The following SMCO4 variants were observed in gnomAD, a reference collection of about 807,000 sequenced individuals.
The protein encoded by SMCO4 is single-pass membrane protein with coiled-coil domains 4.
A neutral mutation model predicts 3.6 loss-of-function variants in SMCO4; 4 were observed. The observed-to-expected ratio is 1.11, with a 90% CI of 0.54 to 2.53. The LOEUF is 2.53. Among genes scored for constraint, SMCO4 ranks in the 30% most tolerant of loss-of-function variants. The pLI is 0.02. For synonymous variants in SMCO4, 36 were observed against 35.3 expected (o/e 1.02, Z -0.07); for missense variants, 70 against 80.8 (o/e 0.87, Z 0.51).
intron 2 of SMCO4, among the ~76,000 whole-genome samples, chr11:93,492,308 T>C (rs1948726740): frequency 6.6e-6 from 1 of 152,210 alleles, no homozygotes; most frequent in Admixed American, 6.5e-5. Context: ...GATTAACTGT[T>C]GTGAATATAC....
intron 1 of SMCO4, among the ~76,000 whole-genome samples, chr11:93,521,656 T>C (rs1348233164): frequency 1.3e-5 from 2 of 152,234 alleles, no homozygotes; most frequent in East Asian, 1.9e-4. Context: ...ATACCTGTCA[T>C]TTCCTTGCAG....
At chr11:93,493,437 A>G (rs1948741472) in intron 2 of SMCO4, among the ~76,000 whole-genome samples, 1 of 152,072 alleles carries the variant, frequency 6.6e-6, no homozygotes, top group Non-Finnish European at 1.5e-5. Flanking sequence ...TGTTGACTCT[A>G]GAATCTGTAT....
intron 2 of SMCO4, among the ~76,000 whole-genome samples, chr11:93,480,526 G>C (rs1948579434): frequency 6.6e-6 from 1 of 152,194 alleles, no homozygotes; most frequent in African/African-American, 2.4e-5. Flanking sequence ...TTCAAACACA[G>C]TGACGGAGTG....
chr11:93,535,278 T>G (rs990988761), intron 1 of SMCO4, among the ~76,000 whole-genome samples: 45 of 152,208 alleles, frequency 3.0e-4, no homozygotes, highest in African/African-American at 9.7e-4. Context: ...ATGCCACCAC[T>G]GGTGGCATGA....
rs1565393493 is a variant in SMCO4 at position 93,543,352 on chromosome 11, C to CCCCCT, written c.-231_-230insAGGGG. 1.3e-5 allele frequency: 2 copies of CCCCCT among 152,208 alleles called. No homozygotes were observed. The highest frequency in any genetic ancestry group is 6.6e-5 in the Admixed American group (1 of 15,214). 9.4% of individuals were successfully genotyped at this position (152,208 alleles called of 1,614,324 possible). A position where few individuals can be genotyped will look rare whatever the true frequency, so the allele number is the denominator to read the frequency against. On this transcript the variant is annotated 5_prime_UTR_variant, in exon 1 of 3. Transcript: ENST00000298966. ...CAGTGGCCGCCGCCGCTTGCGCTCCCCGCCTCGCCTCTCCTCTCGGCGCCC... is the reference window on the plus strand; with the variant it reads ...CAGTGGCCGCCGCCGCTTGCGCTCCCCCCCTCGCCTCGCCTCTCCTCTCGGCGCCC...
chr11:93,490,143 G>A (rs574291842), intron 2 of SMCO4, among the ~76,000 whole-genome samples: 1 of 152,360 alleles, frequency 6.6e-6, no homozygotes, highest in East Asian at 1.9e-4. Context: ...TTCTCTCACT[G>A]AAGGTGGAGT....
chr11:93,491,755 T>C (rs1948720023), intron 2 of SMCO4, among the ~76,000 whole-genome samples: 1 of 152,242 alleles, frequency 6.6e-6, no homozygotes, highest in South Asian at 2.1e-4. Context: ...ACACTGACCC[T>C]GATCCTTGGC....
chr11:93,537,917 C>G (rs908835639), intron 1 of SMCO4: 3 of 152,410 alleles, frequency 2.0e-5, no homozygotes, highest in Non-Finnish European at 2.9e-5. Flanking sequence ...GCTTCCTCCT[C>G]GCAGCGAGAA....
upstream of SMCO4, among the ~76,000 whole-genome samples, chr11:93,544,918 T>C (rs79147366): frequency 6.7e-3 from 1,020 of 152,286 alleles, 11 homozygotes; most frequent in African/African-American, 0.023. Context: ...ATCTTTTTAG[T>C]GTTCTATGCG....
chr11:93,547,937 G>T (rs1037000919), upstream of SMCO4, among the ~76,000 whole-genome samples: 1 of 152,190 alleles, frequency 6.6e-6, no homozygotes, highest in Non-Finnish European at 1.5e-5. Flanking sequence ...GATAAATTAT[G>T]CAAGTAATGA....
chr11:93,528,625 G>A (rs977277135), intron 1 of SMCO4, among the ~76,000 whole-genome samples: 6 of 112,740 alleles, frequency 5.3e-5, no homozygotes, highest in Non-Finnish European at 9.1e-5. Context: ...CCAGGAGCTC[G>A]CACTGTGACC....
chr11:93,521,921 T>G (rs1026473327), intron 1 of SMCO4, among the ~76,000 whole-genome samples: 2 of 152,226 alleles, frequency 1.3e-5, no homozygotes, highest in Non-Finnish European at 2.9e-5. Context: ...ATTTCTATTA[T>G]GGCCTGGGAG....
chr11:93,514,414 A>ATG (rs1948989826), intron 1 of SMCO4, among the ~76,000 whole-genome samples: 1 of 19,552 alleles, frequency 5.1e-5, no homozygotes, highest in African/African-American at 1.4e-4. Flanking sequence ...ATATATATAT[A>ATG]TATATATAAA....
At position 93,514,413 on chromosome 11, in the gene SMCO4, T is replaced by TATATATAC. The variant is rs1555077563; in HGVS notation, c.-153-15066_-153-15065insGTATATAT. 1.6e-3 allele frequency among the ~76,000 whole-genome samples: 55 copies of TATATATAC among 33,962 alleles called. 1 individual carries two copies. The highest frequency in any genetic ancestry group is 6.3e-3 in the Admixed American group (25 of 3,982). The allele number at this position is 33,962 out of a possible 152,430, so 22.3% of individuals were successfully genotyped here. On this transcript the variant is annotated intron_variant, in intron 1 of 2. Transcript: ENST00000298966. ...ATATATATATATATATATATATATA[T>TATATATAC]ATATATATAAAATTTGGTCTCTTCC...
At chr11:93,551,001 A>G in the SMCO4 span, among the ~76,000 whole-genome samples, 2 of 152,184 alleles carry the variant, frequency 1.3e-5, no homozygotes, top group Admixed American at 1.3e-4. Flanking sequence ...TCAGAAAGCA[A>G]TGAGAACGTT....
intron 1 of SMCO4, among the ~76,000 whole-genome samples, chr11:93,536,958 G>C (rs1312427715): frequency 6.6e-6 from 1 of 152,132 alleles, no homozygotes; most frequent in Non-Finnish European, 1.5e-5. Context: ...GACTGAATTG[G>C]GACTAACAAG....
chr11:93,544,830 T>G (rs1434840354), upstream of SMCO4, among the ~76,000 whole-genome samples: 1 of 152,114 alleles, frequency 6.6e-6, no homozygotes, highest in Non-Finnish European at 1.5e-5. Flanking sequence ...GTGAAGGAAA[T>G]AAGGAAATAC....
chr11:93,489,679 G>C (rs1444378287), intron 2 of SMCO4, among the ~76,000 whole-genome samples: 1 of 152,228 alleles, frequency 6.6e-6, no homozygotes, highest in African/African-American at 2.4e-5. Context: ...GATTACAAAA[G>C]AAAAGTCCCT....
chr11:93,549,095 T>A, the SMCO4 span, among the ~76,000 whole-genome samples: 1 of 152,154 alleles, frequency 6.6e-6, no homozygotes, highest in African/African-American at 2.4e-5. Flanking sequence ...GAGACTCTAT[T>A]CCCCTGCCTT....
Sources: gnomAD v4.1 joint callset for allele counts (sites outside exome capture counted in the v4.1 genomes callset) on GRCh38, gnomAD v4.1.1 for gene constraint, MANE v1.5 for transcripts, NCBI Gene and HGNC (gene_info 2026-07-23, HGNC 2026-07-21) for gene names.